ACBD6: variants seen among roughly 807,000 people sequenced by gnomAD.
ACBD6 encodes acyl-CoA-binding domain-containing protein 6.
A neutral mutation model predicts 37.2 loss-of-function variants in ACBD6; 28 were observed. The ratio of observed to expected loss-of-function variants is 0.75; its 90% CI spans 0.56 to 1.03. The LOEUF (loss-of-function observed/expected upper bound fraction) is 1.03. Among genes scored for constraint, ACBD6 ranks in the 50% least tolerant of loss-of-function variants. The pLI, the probability that ACBD6 is intolerant of heterozygous loss-of-function variation, is 0.00. For synonymous variants in ACBD6, 113 were observed against 126.8 expected, an observed-to-expected ratio of 0.89 and a Z score of 0.73; for missense variants, 340 against 337.4, an observed-to-expected ratio of 1.01 and a Z score of -0.06.
At chr1:180,330,871 G>A (rs979091359) in intron 6 of ACBD6, among the ~76,000 whole-genome samples, 5 of 152,210 alleles carry the variant, frequency 3.3e-5, no homozygotes, top group African/African-American at 1.2e-4. Flanking sequence ...CCACACGGTG[G>A]TCTTCTAATC....
chr1:180,311,334 A>G (rs926911294), intron 7 of ACBD6, among the ~76,000 whole-genome samples: 1 of 152,204 alleles, frequency 6.6e-6, no homozygotes, highest in Non-Finnish European at 1.5e-5. Context: ...TCTGATCCAA[A>G]AGTTTTGTGT....
intron 9 of ACBD6, chr1:180,276,307 C>T (rs1188273964): frequency 6.6e-6 from 1 of 151,118 alleles, no homozygotes; most frequent in African/African-American, 2.4e-5. Context: ...ACTGCTACAT[C>T]TTTTGTAAGC....
intron 3 of ACBD6, among the ~76,000 whole-genome samples, chr1:180,443,779 ATT>A (rs71121019): frequency 0.022 from 2,985 of 134,060 alleles, 87 homozygotes; most frequent in African/African-American, 0.07. Flanking sequence ...CGCCCAGCTA[ATT>A]TTTTTTTTTT....
rs544144475 is a variant in ACBD6, at chr1:180,476,169, T to C, written c.384+16100A>G. Among the ~76,000 whole-genome samples, 5 of 152,334 alleles carry C rather than the reference T, an allele frequency of 3.3e-5. No individual in the cohort carries two copies. In the South Asian group the frequency reaches 1.0e-3, roughly 32 times the overall value. On this transcript the variant is annotated intron_variant, in intron 3 of 7. Coordinates refer to ENST00000367595, the MANE Select transcript of ACBD6 (RefSeq NM_032360.4). Reference sequence around the variant, plus strand: ...GAAGTTTATCCCCAGGTAAAATCATTTGAGATCTCTGATGCAAAACTATGG... The same window carrying C: ...GAAGTTTATCCCCAGGTAAAATCATCTGAGATCTCTGATGCAAAACTATGG...
At chr1:180,307,476 T>C (rs909816407) in intron 7 of ACBD6, among the ~76,000 whole-genome samples, 1 of 152,204 alleles carries the variant, frequency 6.6e-6, no homozygotes, top group Non-Finnish European at 1.5e-5. Flanking sequence ...TCAATAATAA[T>C]TTAATTGTAT....
intron 7 of ACBD6, among the ~76,000 whole-genome samples, chr1:180,296,452 C>G (rs1164142527): frequency 1.3e-5 from 2 of 152,132 alleles, no homozygotes; most frequent in African/African-American, 4.8e-5. Context: ...TTCTATTAGA[C>G]AGAGTTTCAC....
chr1:180,289,112 G>A (rs76195866), intron 7 of ACBD6, among the ~76,000 whole-genome samples: 11,474 of 149,454 alleles, frequency 0.077, 506 homozygotes, highest in African/African-American at 0.13. Flanking sequence ...AAAAAAGGGC[G>A]TAGAGATATC....
intron 6 of ACBD6, among the ~76,000 whole-genome samples, chr1:180,357,439 A>C (rs1456040502): frequency 6.6e-6 from 1 of 152,210 alleles, no homozygotes; most frequent in Non-Finnish European, 1.5e-5. Flanking sequence ...TTATTGTTCA[A>C]TTTGGATAAT....
chr1:180,432,205 CAA>C (rs35887874), intron 3 of ACBD6, among the ~76,000 whole-genome samples: 6,542 of 141,416 alleles, frequency 0.046, 434 homozygotes, highest in African/African-American at 0.15. Context: ...GATTCTGTCT[CAA>C]AAAAAAAAAA....
intron 3 of ACBD6, among the ~76,000 whole-genome samples, chr1:180,452,903 G>A (rs1483394753): frequency 1.3e-5 from 2 of 152,160 alleles, no homozygotes; most frequent in African/African-American, 4.8e-5. Flanking sequence ...AACAAGTTCT[G>A]AAATTGAGGC....
chr1:180,361,949 C>A (rs1005370356), intron 6 of ACBD6, among the ~76,000 whole-genome samples: 1 of 151,748 alleles, frequency 6.6e-6, no homozygotes, highest in African/African-American at 2.4e-5. Context: ...TACTGCCAAC[C>A]ACAAAATGTT....
intron 3 of ACBD6, among the ~76,000 whole-genome samples, chr1:180,469,415 G>A (rs183369584): frequency 2.6e-5 from 4 of 152,122 alleles, no homozygotes; most frequent in African/African-American, 9.7e-5. Flanking sequence ...AAATTCCACT[G>A]CCTCTAGAAG....
chr1:180,492,317 C>T lies in ACBD6; in HGVS notation c.336G>A (p.Gln112=), dbSNP rs760390546. Residue 112 remains glutamine (Q), a synonymous_variant, in exon 3 of 8, where the codon CAG becomes CAA. Transcript: ENST00000367595. ...LGDSSPSQAM[Q]EYIAVVKKLD... is the part of the protein sequence containing the mutation. Reference sequence around the variant, plus strand: ...GTTTTTTAACTACTGCGATATATTCCTGCATTGCTTGGCTGGGGCTTGAAT... The same window carrying T: ...GTTTTTTAACTACTGCGATATATTCTTGCATTGCTTGGCTGGGGCTTGAAT... 8.1e-6 allele frequency: 13 copies of T among 1,614,020 alleles called. No homozygotes were observed. In the South Asian group the frequency reaches 1.2e-4, roughly 15 times the overall value.
chr1:180,466,478 G>A (rs1557882410), intron 3 of ACBD6, among the ~76,000 whole-genome samples: 2 of 152,220 alleles, frequency 1.3e-5, no homozygotes, highest in South Asian at 4.2e-4. Flanking sequence ...TTGGTAGGTG[G>A]TCTGGCAGTT....
chr1:180,476,729 G>A (rs1452504045), intron 3 of ACBD6, among the ~76,000 whole-genome samples: 1 of 152,148 alleles, frequency 6.6e-6, no homozygotes, highest in Non-Finnish European at 1.5e-5. Context: ...GGGAGGCTGA[G>A]GCAGGAGAAT....
chr1:180,303,205 C>T (rs1182702829), intron 7 of ACBD6, among the ~76,000 whole-genome samples: 2 of 149,270 alleles, frequency 1.3e-5, no homozygotes, highest in Non-Finnish European at 3.0e-5. Flanking sequence ...ACTAGAGAAG[C>T]AAGAGCAAAC....
chr1:180,422,172 T>C (rs1648394020), intron 4 of ACBD6, among the ~76,000 whole-genome samples: 1 of 152,162 alleles, frequency 6.6e-6, no homozygotes, highest in East Asian at 1.9e-4. Context: ...CTTGCCAGTG[T>C]AGCTGTGGTG....
chr1:180,471,490 G>C (rs900882396), intron 3 of ACBD6, among the ~76,000 whole-genome samples: 1 of 147,224 alleles, frequency 6.8e-6, no homozygotes, highest in Non-Finnish European at 1.5e-5. Flanking sequence ...TACCTGACTG[G>C]GGAGAAAAAG....
intron 4 of ACBD6, among the ~76,000 whole-genome samples, chr1:180,422,288 C>T (rs1648401912): frequency 6.6e-6 from 1 of 152,006 alleles, no homozygotes. Flanking sequence ...TCACTGCAAC[C>T]TCCACCTCCC....
Sources: allele counts gnomAD v4.1 joint callset (sites outside exome capture counted in the v4.1 genomes callset), GRCh38; gene constraint gnomAD v4.1.1; transcripts MANE v1.5; gene names NCBI Gene and HGNC (gene_info 2026-07-23, HGNC 2026-07-21).